Variants in LRRTM4 observed in about 807,000 individuals in gnomAD.
The protein encoded by LRRTM4 is leucine rich repeat transmembrane neuronal 4.
A neutral mutation model predicts 47.6 loss-of-function variants in LRRTM4; 25 were observed. The observed-to-expected ratio is 0.53, with a 90% CI of 0.38 to 0.73. The LOEUF (loss-of-function observed/expected upper bound fraction) is 0.73. Among genes scored for constraint, LRRTM4 ranks in the 30% least tolerant of loss-of-function variants. The probability of loss-of-function intolerance (pLI) is 0.00; values close to 1 mark genes in which losing one functional copy is unlikely to be tolerated. For missense variants in LRRTM4, 638 were observed against 713.4 expected, an observed-to-expected ratio of 0.89 and a Z score of 1.20; for synonymous variants, 311 against 269.5, an observed-to-expected ratio of 1.15 and a Z score of -1.51.
At chr2:76,985,315 TTAAAAG>T (rs1276459055) in intron 3 of LRRTM4, among the ~76,000 whole-genome samples, 5 of 152,048 alleles carry the variant, frequency 3.3e-5, no homozygotes, top group Non-Finnish European at 5.9e-5. Context: ...TAATGTTTCC[TTAAAAG>T]TAAATTGAGA....
At chr2:77,012,124 G>C (rs77870915) in intron 3 of LRRTM4, among the ~76,000 whole-genome samples, 3 of 151,860 alleles carry the variant, frequency 2.0e-5, no homozygotes, top group Non-Finnish European at 4.4e-5. Flanking sequence ...AACCATACAG[G>C]GAATGAATTC....
At chr2:77,100,012 T>G (rs1457047831) in intron 3 of LRRTM4, among the ~76,000 whole-genome samples, 2 of 152,114 alleles carry the variant, frequency 1.3e-5, no homozygotes, top group Non-Finnish European at 2.9e-5. Flanking sequence ...GTTCTTTCCT[T>G]TCTCTAAGCT....
At chr2:77,086,308 A>T (rs1274940447) in intron 3 of LRRTM4, among the ~76,000 whole-genome samples, 1 of 152,154 alleles carries the variant, frequency 6.6e-6, no homozygotes, top group Non-Finnish European at 1.5e-5. Context: ...TAATAAAGCC[A>T]GAGGCAAGTT....
intron 3 of LRRTM4, among the ~76,000 whole-genome samples, chr2:77,290,291 G>A (rs140005139): frequency 4.7e-4 from 72 of 152,080 alleles, no homozygotes; most frequent in African/African-American, 1.6e-3. Flanking sequence ...TGCCTTCAAA[G>A]TGGAAGTTCT....
chr2:77,128,187 CAAATA>C lies in LRRTM4; in HGVS notation c.1552-379276_1552-379272del, dbSNP rs549238029. On this transcript the variant is annotated intron_variant, in intron 3 of 3. Transcript: ENST00000409884. ...AACAAATGTTTTTAAGCCTCAGAAA[CAAATA>C]AAATAAGTGTTGTTTCAAGCACTAA... Among the ~76,000 whole-genome samples the C allele has an allele frequency of 1.5e-3, 218 of 150,298 alleles. 2 individuals carry two copies. The highest frequency in any genetic ancestry group is 5.0e-3 in the African/African-American group (204 of 40,914).
At chr2:76,880,753 T>A (rs958176811) in intron 3 of LRRTM4, among the ~76,000 whole-genome samples, 1 of 152,128 alleles carries the variant, frequency 6.6e-6, no homozygotes, top group African/African-American at 2.4e-5. Context: ...GAGAGGTAAT[T>A]AAACGAACTT....
chr2:77,210,843 A>T (rs754809777), intron 3 of LRRTM4, among the ~76,000 whole-genome samples: 1 of 152,156 alleles, frequency 6.6e-6, no homozygotes, highest in Non-Finnish European at 1.5e-5. Context: ...CTGTAGCTGC[A>T]AGAGAGACAC....
At chr2:77,070,337 T>C (rs1680109507) in intron 3 of LRRTM4, among the ~76,000 whole-genome samples, 1 of 152,148 alleles carries the variant, frequency 6.6e-6, no homozygotes, top group Non-Finnish European at 1.5e-5. Flanking sequence ...TTGCCAGTTT[T>C]TGAGTTGACT....
At chr2:77,350,408 T>C (rs1168890100) in intron 3 of LRRTM4, among the ~76,000 whole-genome samples, 1 of 128,434 alleles carries the variant, frequency 7.8e-6, no homozygotes, top group Non-Finnish European at 1.7e-5. Context: ...TTAGAAAAAA[T>C]TGATAAAAAT....
intron 3 of LRRTM4, among the ~76,000 whole-genome samples, chr2:77,477,949 AAGAAAGAAAG>A (rs1677498332): frequency 1.5e-5 from 2 of 135,770 alleles, no homozygotes; most frequent in Admixed American, 7.1e-5. Flanking sequence ...GAAAGAAAGA[AAGAAAGAAAG>A]AAAGAAAGAA....
At chr2:76,768,042 T>C (rs913189019) in intron 3 of LRRTM4, among the ~76,000 whole-genome samples, 12 of 152,156 alleles carry the variant, frequency 7.9e-5, no homozygotes, top group Admixed American at 3.9e-4. Flanking sequence ...TGTGACATAA[T>C]TGATTGATTC....
intron 3 of LRRTM4, among the ~76,000 whole-genome samples, chr2:76,897,715 A>G (rs1017436993): frequency 5.3e-5 from 8 of 152,170 alleles, no homozygotes; most frequent in African/African-American, 1.9e-4. Context: ...TGGCTGGGCT[A>G]TGACATTTCA....
At chr2:77,263,548 T>A (rs1675973050) in intron 3 of LRRTM4, among the ~76,000 whole-genome samples, 1 of 152,060 alleles carries the variant, frequency 6.6e-6, no homozygotes, top group South Asian at 2.1e-4. Context: ...AATTGAATGG[T>A]AGGACACCCA....
chr2:77,007,111 A>G (rs1428420395), intron 3 of LRRTM4, among the ~76,000 whole-genome samples: 1 of 152,084 alleles, frequency 6.6e-6, no homozygotes, highest in East Asian at 1.9e-4. Context: ...CAATAATAGA[A>G]ACTCAAGAGA....
chr2:76,859,799 G>T (rs1213260032), intron 3 of LRRTM4, among the ~76,000 whole-genome samples: 1 of 151,576 alleles, frequency 6.6e-6, no homozygotes, highest in East Asian at 1.9e-4. Context: ...GTATCCCCTG[G>T]TTGTGACCTG....
At chr2:77,173,131 T>C (rs546888895) in intron 3 of LRRTM4, among the ~76,000 whole-genome samples, 3 of 152,276 alleles carry the variant, frequency 2.0e-5, no homozygotes, top group African/African-American at 7.2e-5. Context: ...GAAAAGTTTA[T>C]CATAAAAATA....
chr2:77,048,504 A>G (rs898744271), intron 3 of LRRTM4, among the ~76,000 whole-genome samples: 4 of 152,070 alleles, frequency 2.6e-5, no homozygotes, highest in African/African-American at 7.2e-5. Context: ...TTCCATATGC[A>G]TATGATTAAA....
At chr2:76,942,894 T>C (rs1383933771) in intron 3 of LRRTM4, among the ~76,000 whole-genome samples, 1 of 152,180 alleles carries the variant, frequency 6.6e-6, no homozygotes, top group Non-Finnish European at 1.5e-5. Flanking sequence ...AGGTAATTGA[T>C]ACTGCCAATA....
intron 3 of LRRTM4, among the ~76,000 whole-genome samples, chr2:77,195,894 G>A (rs1424502565): frequency 6.6e-6 from 1 of 152,050 alleles, no homozygotes; most frequent in African/African-American, 2.4e-5. Flanking sequence ...GAAGGAAAAG[G>A]CTTCATAGAA....
Sources: allele counts gnomAD v4.1 joint callset (sites outside exome capture counted in the v4.1 genomes callset), GRCh38; gene constraint gnomAD v4.1.1; transcripts MANE v1.5; gene names NCBI Gene and HGNC (gene_info 2026-07-23, HGNC 2026-07-21).